RBMS1: variants seen among roughly 807,000 people sequenced by gnomAD.
RBMS1 encodes the protein RNA binding motif single stranded interacting protein 1.
Under a neutral mutation model 62.3 loss-of-function variants are expected in RBMS1, and 17 were observed. That is an observed-to-expected ratio of 0.27 (90% CI 0.19 to 0.41). The LOEUF (loss-of-function observed/expected upper bound fraction) is 0.41. Among genes scored for constraint, RBMS1 ranks in the 10% least tolerant of loss-of-function variants. The pLI is 1.00. For missense variants in RBMS1, 334 were observed against 504.5 expected (o/e 0.66, Z 3.24); for synonymous variants, 172 against 170.0 (o/e 1.01, Z -0.09).
At chr2:160,373,645 T>C (rs1192928882) in intron 1 of RBMS1, among the ~76,000 whole-genome samples, 1 of 152,112 alleles carries the variant, frequency 6.6e-6, no homozygotes, top group East Asian at 1.9e-4. Flanking sequence ...GGTGTGTGAA[T>C]ATGAAGATAC....
intron 2 of RBMS1, among the ~76,000 whole-genome samples, chr2:160,332,465 T>C (rs1357130954): frequency 6.6e-6 from 1 of 152,120 alleles, no homozygotes; most frequent in East Asian, 1.9e-4. Context: ...GGGAGGCATC[T>C]GATTAGCTTT....
At chr2:160,465,822 G>T (rs1684661903) in intron 1 of RBMS1, among the ~76,000 whole-genome samples, 1 of 147,850 alleles carries the variant, frequency 6.8e-6, no homozygotes, top group South Asian at 2.1e-4. Context: ...AGGGGCTTTG[G>T]CAGAGCTACA....
At chr2:160,428,104 A>G (rs1682721192) in intron 1 of RBMS1, among the ~76,000 whole-genome samples, 1 of 152,050 alleles carries the variant, frequency 6.6e-6, no homozygotes, top group Non-Finnish European at 1.5e-5. Context: ...GAGCCTACAT[A>G]TTTTAATCAC....
intron 1 of RBMS1, among the ~76,000 whole-genome samples, chr2:160,455,913 G>A (rs900655063): frequency 6.6e-6 from 1 of 151,896 alleles, no homozygotes; most frequent in Non-Finnish European, 1.5e-5. Context: ...TCGATCTCCT[G>A]ACCTCGTGAT....
At chr2:160,466,554 C>G (rs1390393648) in intron 1 of RBMS1, among the ~76,000 whole-genome samples, 8 of 152,152 alleles carry the variant, frequency 5.3e-5, no homozygotes, top group African/African-American at 1.4e-4. Context: ...AACACAGTAA[C>G]AGAAAGCCAA....
chr2:160,298,120 G>A (rs1483799039), intron 6 of RBMS1, among the ~76,000 whole-genome samples: 1 of 152,148 alleles, frequency 6.6e-6, no homozygotes, highest in Non-Finnish European at 1.5e-5. Flanking sequence ...GGAGGGAGAA[G>A]GTAGATTCTA....
chr2:160,306,190 CT>C (rs1689512397), intron 4 of RBMS1, among the ~76,000 whole-genome samples: 1 of 150,806 alleles, frequency 6.6e-6, no homozygotes, highest in Non-Finnish European at 1.5e-5. Flanking sequence ...AGTGGACTTT[CT>C]TTTTAAGAAT....
chr2:160,484,934 A>G (rs1685536656), intron 1 of RBMS1, among the ~76,000 whole-genome samples: 1 of 152,054 alleles, frequency 6.6e-6, no homozygotes, highest in Admixed American at 6.5e-5. Context: ...GAATTGGAAG[A>G]GATAGACAGA....
intron 1 of RBMS1, among the ~76,000 whole-genome samples, chr2:160,460,772 A>C (rs1684427960): frequency 6.6e-6 from 1 of 152,192 alleles, no homozygotes; most frequent in South Asian, 2.1e-4. Flanking sequence ...AACCATATTG[A>C]ATGGCGAGGT....
rs1559304555 is a variant in RBMS1, at chr2:160,277,357, T to G, written c.1089A>C (p.Gln363His). Residue 363 changes from glutamine (Q) to histidine (H), a missense_variant, in exon 12 of 14, where the codon CAA becomes CAC. Transcript: ENST00000348849. The part of the protein sequence containing the change: ...GTYMPATSAM[Q>H]GAYLPQYAHM... ...GTGCATACTGTGGCAAGTAGGCTCC[T>G]TGCATAGCTGACGTTGCAGGCATGT... The G allele has an allele frequency of 2.0e-5, 32 of 1,613,528 alleles. No individual in the cohort carries two copies. Among genetic ancestry groups the G allele is most frequent in the Non-Finnish European group, 2.7e-5 (32 of 1,179,494 alleles).
At chr2:160,403,135 C>G (rs973065117) in intron 1 of RBMS1, among the ~76,000 whole-genome samples, 7 of 152,110 alleles carry the variant, frequency 4.6e-5, no homozygotes, top group Non-Finnish European at 1.0e-4. Flanking sequence ...TTTCAAATGG[C>G]TATGTATGGG....
intron 1 of RBMS1, among the ~76,000 whole-genome samples, chr2:160,405,507 G>A (rs1695654031): frequency 6.6e-6 from 1 of 152,148 alleles, no homozygotes; most frequent in African/African-American, 2.4e-5. Flanking sequence ...TCCCCGCGCT[G>A]GAAGTGTGCT....
chr2:160,367,424 T>C, intron 1 of RBMS1, 33 bp from the exon 2 acceptor site: 1 of 1,611,612 alleles, frequency 6.2e-7, no homozygotes, highest in Non-Finnish European at 8.5e-7. Context: ...CTTAGTATGC[T>C]AGCATTAGGA....
At chr2:160,374,789 G>A (rs1693906034) in intron 1 of RBMS1, among the ~76,000 whole-genome samples, 1 of 152,042 alleles carries the variant, frequency 6.6e-6, no homozygotes, top group African/African-American at 2.4e-5. Context: ...AATTAGCCAG[G>A]TGTGGTGGTG....
At chr2:160,445,301 C>T (rs1683597463) in intron 1 of RBMS1, among the ~76,000 whole-genome samples, 1 of 152,108 alleles carries the variant, frequency 6.6e-6, no homozygotes, top group African/African-American at 2.4e-5. Context: ...AGCTTCTGAT[C>T]AATATAAATG....
Position 160,493,649 on chromosome 2 carries a change from C to A in RBMS1, c.-286G>T. 1 of 503,298 alleles carries A rather than the reference C, an allele frequency of 2.0e-6. No individual in the cohort carries two copies. The highest frequency in any genetic ancestry group is 3.6e-5 in the East Asian group (1 of 27,544). The allele number at this position is 503,298 out of a possible 1,614,324, so 31.2% of individuals were successfully genotyped here. A position where few individuals can be genotyped will look rare whatever the true frequency, so the allele number is the denominator to read the frequency against. ...GAGGGCACCCCGGACAGGGCGCTCC[C>A]AAGGAGTTTCCTCCCGGAGCCCGAC... is the stretch of plus-strand genomic sequence containing the variant. On this transcript the variant is annotated 5_prime_UTR_variant, in exon 1 of 14. Transcript: ENST00000348849.
At chr2:160,291,332 C>T (rs570016470) in intron 6 of RBMS1, among the ~76,000 whole-genome samples, 1 of 152,306 alleles carries the variant, frequency 6.6e-6, no homozygotes, top group South Asian at 2.1e-4. Context: ...ATAGAAGCTT[C>T]CCTATCCACT....
intron 2 of RBMS1, among the ~76,000 whole-genome samples, chr2:160,360,683 A>G (rs978828718): frequency 3.3e-5 from 5 of 152,068 alleles, no homozygotes; most frequent in Non-Finnish European, 7.4e-5. Flanking sequence ...GGAGGATACT[A>G]TTGCTTTCAC....
chr2:160,352,913 T>A lies in RBMS1; in HGVS notation c.251+14303A>T, dbSNP rs552714552. Among the ~76,000 whole-genome samples the A allele has an allele frequency of 1.3e-4, 20 of 152,276 alleles. No homozygotes were observed. The East Asian group carries it at 1.5e-3, about 12-fold the overall frequency. On this transcript the variant is annotated intron_variant, in intron 2 of 13. Coordinates refer to ENST00000348849, the MANE Select transcript of RBMS1 (RefSeq NM_016836.4). ...TTATATCTATTATGAGGCACGTGAA[T>A]AGCTGTATTATTATGAATTCAATGT... is the stretch of plus-strand genomic sequence containing the variant.
Sources: gnomAD v4.1 joint callset for allele counts (sites outside exome capture counted in the v4.1 genomes callset) on GRCh38, gnomAD v4.1.1 for gene constraint, MANE v1.5 for transcripts, NCBI Gene and HGNC (gene_info 2026-07-23, HGNC 2026-07-21) for gene names.